Variants in HDAC9 observed in about 807,000 individuals in gnomAD.
The protein encoded by HDAC9 is histone deacetylase 9.
HDAC9 carries 41 observed loss-of-function variants against 139.4 expected under a neutral mutation model. The observed-to-expected ratio is 0.29, with a 90% CI of 0.23 to 0.38. The LOEUF (loss-of-function observed/expected upper bound fraction) is 0.38, where lower values mean the gene tolerates loss of function less well. Ranked by LOEUF, HDAC9 falls within the 10% of genes least tolerant of loss-of-function variation. The pLI, the probability that HDAC9 is intolerant of heterozygous loss-of-function variation, is 1.00. For missense variants in HDAC9, 1,147 were observed against 1,297.0 expected (o/e 0.88, Z 1.78); for synonymous variants, 517 against 476.2 (o/e 1.09, Z -1.12).
rs1786438312 is a variant in HDAC9 at position 18,996,037 on chromosome 7, C to T, written c.3185C>T (p.Pro1062Leu). 1 of 1,604,692 alleles carries T rather than the reference C, an allele frequency of 6.2e-7. No homozygotes were observed. Among genetic ancestry groups the T allele is most frequent in the Non-Finnish European group, 8.5e-7 (1 of 1,175,570 alleles). ...TATTTTTACAGAACTGCTGGTGAGCCTATGGAAGAGGAGCCAGCCTTGTGA... is the reference window on the plus strand; with the variant it reads ...TATTTTTACAGAACTGCTGGTGAGCTTATGGAAGAGGAGCCAGCCTTGTGA... Reference protein sequence around the residue: ...AQEDSRTAGEPMEEEPAL With the variant: ...AQEDSRTAGELMEEEPAL Residue 1062 changes from proline to leucine, a missense_variant, in exon 26 of 26, where the codon CCT becomes CTT. This residue lies in a region of HDAC9 where 407 missense variants were observed against 521.5 expected (regional missense o/e 0.78). Coordinates refer to ENST00000686413, the MANE Select transcript of HDAC9 (RefSeq NM_178425.4).
At chr7:18,451,743 G>A (rs751922300) in intron 1 of HDAC9, among the ~76,000 whole-genome samples, 10 of 151,908 alleles carry the variant, frequency 6.6e-5, no homozygotes, top group Non-Finnish European at 1.3e-4. Context: ...CAGCCCTATC[G>A]GCATATTTGG....
intron 12 of HDAC9, among the ~76,000 whole-genome samples, chr7:18,686,324 G>A (rs1338359169): frequency 6.6e-6 from 1 of 151,984 alleles, no homozygotes; most frequent in Admixed American, 6.6e-5. Flanking sequence ...AGAAAGCAAA[G>A]GCAAAGATGG....
chr7:18,266,805 T>C (rs1796034359), intron 2 of HDAC9, among the ~76,000 whole-genome samples: 1 of 152,126 alleles, frequency 6.6e-6, no homozygotes, highest in African/African-American at 2.4e-5. Flanking sequence ...AGAAAACATA[T>C]AACATCTTAG....
At chr7:18,497,299 G>T (rs982627124) in intron 2 of HDAC9, among the ~76,000 whole-genome samples, 4 of 152,132 alleles carry the variant, frequency 2.6e-5, no homozygotes, top group African/African-American at 7.2e-5. Context: ...TCACCGCCTA[G>T]ATTTCCATGA....
chr7:18,875,917 C>T (rs897347283), intron 22 of HDAC9, among the ~76,000 whole-genome samples: 6 of 152,030 alleles, frequency 3.9e-5, no homozygotes, highest in Admixed American at 6.6e-5. Flanking sequence ...AAATACCTAG[C>T]GAAGAAAGAA....
At chr7:18,229,094 T>A (rs754604687) in intron 2 of HDAC9, among the ~76,000 whole-genome samples, 18 of 152,226 alleles carry the variant, frequency 1.2e-4, no homozygotes, top group Non-Finnish European at 2.4e-4. Flanking sequence ...GAAAGGGCCC[T>A]GTACTTAAAC....
In HDAC9 at chr7:18,846,196, T is replaced by C. The variant is rs1012243691; in HGVS notation, c.2684+10199T>C. On this transcript the variant is annotated intron_variant, in intron 21 of 25. Transcript: ENST00000686413. ...ATGTTCTTCTCCTCCCTGAATATTT[T>C]CTTTTCTGAAGCAGTATCACCATAT... Among the ~76,000 whole-genome samples the C allele has an allele frequency of 2.0e-4, 31 of 152,210 alleles. 1 individual carries two copies. Among genetic ancestry groups the C allele is most frequent in the Admixed American group, 1.0e-3 (16 of 15,276 alleles).
rs933297773 is a variant in HDAC9 at position 18,666,996 on chromosome 7, C to T, written c.1731+520C>T. On this transcript the variant is annotated intron_variant, in intron 12 of 25. Transcript: ENST00000686413. Reference sequence around the variant, plus strand: ...TGAACACTGTTAAAGGTAGTCTGCCCCTTCCTTCCTCTCTCTTTTTTTAGT... The same window carrying T: ...TGAACACTGTTAAAGGTAGTCTGCCTCTTCCTTCCTCTCTCTTTTTTTAGT... 5.1e-6 allele frequency: 5 copies of T among 985,000 alleles called. No homozygotes were observed. In the African/African-American group the frequency reaches 8.7e-5, roughly 17 times the overall value. 61.0% of individuals were successfully genotyped at this position (985,000 alleles called of 1,614,324 possible). A position where few individuals can be genotyped will look rare whatever the true frequency, so the allele number is the denominator to read the frequency against.
At chr7:18,992,291 A>T (rs537481600) in intron 25 of HDAC9, among the ~76,000 whole-genome samples, 3 of 152,228 alleles carry the variant, frequency 2.0e-5, no homozygotes, top group Admixed American at 1.3e-4. Context: ...AATGTGGTGG[A>T]TGCACTGTAT....
intron 2 of HDAC9, among the ~76,000 whole-genome samples, chr7:18,572,854 T>G (rs1824754462): frequency 1.3e-5 from 2 of 152,204 alleles, no homozygotes; most frequent in African/African-American, 4.8e-5. Flanking sequence ...CTAGCAAACA[T>G]TGCGATACTT....
At chr7:18,589,657 G>A (rs1410873987) in intron 3 of HDAC9, among the ~76,000 whole-genome samples, 1 of 152,194 alleles carries the variant, frequency 6.6e-6, no homozygotes, top group Non-Finnish European at 1.5e-5. Flanking sequence ...AAGTTTTGTG[G>A]AAGTGGTTTC....
At chr7:18,180,528 G>A (rs1418550531) in intron 2 of HDAC9, among the ~76,000 whole-genome samples, 1 of 151,998 alleles carries the variant, frequency 6.6e-6, no homozygotes, top group Non-Finnish European at 1.5e-5. Context: ...ACCTAGATTA[G>A]ATCAAAGAGT....
intron 13 of HDAC9, among the ~76,000 whole-genome samples, chr7:18,748,219 C>G (rs1310791916): frequency 6.6e-6 from 1 of 152,158 alleles, no homozygotes; most frequent in Non-Finnish European, 1.5e-5. Flanking sequence ...AATAATTCAT[C>G]TTATCATGTT....
chr7:18,677,120 T>C (rs1459456118), intron 12 of HDAC9, among the ~76,000 whole-genome samples: 1 of 151,830 alleles, frequency 6.6e-6, no homozygotes, highest in Admixed American at 6.6e-5. Context: ...GCCCTCTTTA[T>C]ACTCAGACTC....
At chr7:18,749,894 A>G (rs1004851828) in intron 14 of HDAC9, among the ~76,000 whole-genome samples, 3 of 152,156 alleles carry the variant, frequency 2.0e-5, no homozygotes, top group Non-Finnish European at 2.9e-5. Flanking sequence ...AATGCCCTTC[A>G]TGGGTTTTCT....
intron 22 of HDAC9, among the ~76,000 whole-genome samples, chr7:18,888,186 C>T (rs1421770613): frequency 1.3e-5 from 2 of 152,076 alleles, no homozygotes; most frequent in African/African-American, 2.4e-5. Context: ...CTTTGGGAGG[C>T]CGAGGCAGGC....
intron 21 of HDAC9, among the ~76,000 whole-genome samples, chr7:18,854,418 A>G (rs537785737): frequency 2.3e-4 from 35 of 152,286 alleles, no homozygotes; most frequent in African/African-American, 8.2e-4. Flanking sequence ...ATGGGGTTCA[A>G]GGTAGTGATC....
chr7:18,773,037 A>G (rs533623650), intron 16 of HDAC9, among the ~76,000 whole-genome samples: 1 of 152,204 alleles, frequency 6.6e-6, no homozygotes, highest in South Asian at 2.1e-4. Flanking sequence ...GTGAAAATAC[A>G]TAGAATCATT....
intron 1 of HDAC9, among the ~76,000 whole-genome samples, chr7:18,453,166 G>A (rs1003675264): frequency 6.6e-6 from 1 of 152,122 alleles, no homozygotes; most frequent in Non-Finnish European, 1.5e-5. Flanking sequence ...GTATATGCCT[G>A]TGGTTTCAAA....
Sources: gnomAD v4.1 joint callset for allele counts (sites outside exome capture counted in the v4.1 genomes callset) on GRCh38, gnomAD v4.1.1 for gene constraint, gnomAD v4.1.1 regional missense constraint, MANE v1.5 for transcripts, NCBI Gene and HGNC (gene_info 2026-07-23, HGNC 2026-07-21) for gene names.